Variants in ZNF248 observed in about 807,000 individuals in gnomAD.
The protein encoded by ZNF248 is KRAB protein domain.
In ZNF248, 20 loss-of-function variants were observed where a neutral mutation model predicts 44.3. The observed-to-expected ratio is 0.45, with a 90% CI of 0.32 to 0.66. The LOEUF is 0.66. ZNF248 is among the 30% of genes least tolerant of loss of function. The pLI, the probability that ZNF248 is intolerant of heterozygous loss-of-function variation, is 0.04. For synonymous variants in ZNF248, 224 were observed against 229.0 expected (o/e 0.98, Z 0.20); for missense variants, 654 against 677.0 (o/e 0.97, Z 0.38).
the ZNF248 span, among the ~76,000 whole-genome samples, chr10:37,768,603 C>G: frequency 6.6e-6 from 1 of 152,184 alleles, no homozygotes; most frequent in African/African-American, 2.4e-5. Context: ...ACCAGAAACT[C>G]TGGGACACAT....
intron 6 of ZNF248, among the ~76,000 whole-genome samples, chr10:37,778,926 C>A (rs1479577196): frequency 8.5e-5 from 13 of 152,210 alleles, no homozygotes; most frequent in African/African-American, 2.4e-4. Context: ...GAAATGGATA[C>A]ATTCCTCAAC....
At chr10:37,770,292 C>G in the ZNF248 span, among the ~76,000 whole-genome samples, 4 of 152,130 alleles carry the variant, frequency 2.6e-5, no homozygotes, top group Non-Finnish European at 5.9e-5. Context: ...TCATATGGAA[C>G]CAAAAAAGAG....
At position 37,832,745 on chromosome 10, in the gene ZNF248, C is replaced by T. The variant is rs1012088056; in HGVS notation, c.610G>A (p.Asp204Asn). The T allele has an allele frequency of 1.9e-6, 3 of 1,613,546 alleles. No individual in the cohort carries two copies. In the African/African-American group the frequency reaches 4.0e-5, roughly 22 times the overall value. The change falls in exon 6 of 6, where the codon GAT (aspartate) becomes AAT (asparagine). Residue 204 changes from aspartate (D) to asparagine (N), a missense_variant. Coordinates refer to ENST00000395867, the MANE Select transcript of ZNF248 (RefSeq NM_021045.3). Reference protein sequence around the residue: ...QKRNAINYHQDLSQPSFGQSF... With the variant: ...QKRNAINYHQNLSQPSFGQSF... Reference sequence around the variant, plus strand: ...TGGCCAAAACTTGGCTGACTGAGATCCTGGTGATAATTAATGGCATTCCTT... The same window carrying T: ...TGGCCAAAACTTGGCTGACTGAGATTCTGGTGATAATTAATGGCATTCCTT...
chr10:37,769,040 TCGACACATA>T, the ZNF248 span, among the ~76,000 whole-genome samples: 1 of 152,314 alleles, frequency 6.6e-6, no homozygotes, highest in East Asian at 1.9e-4. Flanking sequence ...GAAAAATTCC[TCGACACATA>T]CACTCTCCCA....
At chr10:37,839,701 G>A (rs2057979181) in intron 3 of ZNF248, among the ~76,000 whole-genome samples, 1 of 152,144 alleles carries the variant, frequency 6.6e-6, no homozygotes, top group Non-Finnish European at 1.5e-5. Context: ...GGAGTAAAAG[G>A]AGAACTTGGA....
At chr10:37,804,112 T>G (rs570635938) in intron 6 of ZNF248, among the ~76,000 whole-genome samples, 1,551 of 148,732 alleles carry the variant, frequency 0.01, 39 homozygotes, top group African/African-American at 0.036. Flanking sequence ...TTTTTTTTTT[T>G]TTTTTTTTGA....
chr10:37,830,714 A>G lies in ZNF248; in HGVS notation c.*901T>C. The G allele has an allele frequency of 3.6e-6, 2 of 562,322 alleles. No individual in the cohort carries two copies. Among genetic ancestry groups the G allele is most frequent in the Non-Finnish European group, 4.5e-6 (2 of 443,558 alleles). 34.8% of individuals were successfully genotyped at this position (562,322 alleles called of 1,614,324 possible). On this transcript the variant is annotated 3_prime_UTR_variant, in exon 6 of 6. Transcript: ENST00000395867. ...GGTGTAAACACTCCCACTAAGTCCA[A>G]GCTACCAAGACAGCACTGAATGTGG... is the stretch of plus-strand genomic sequence containing the variant.
At chr10:37,810,283 C>T (rs916545536) in intron 6 of ZNF248, among the ~76,000 whole-genome samples, 1 of 152,208 alleles carries the variant, frequency 6.6e-6, no homozygotes, top group Non-Finnish European at 1.5e-5. Context: ...AAGTTTCCAA[C>T]TATTATAGTA....
At chr10:37,772,265 G>GAA (rs36082673), downstream of ZNF248, among the ~76,000 whole-genome samples, 2,104 of 119,672 alleles carry the variant, frequency 0.018, 56 homozygotes, top group African/African-American at 0.058. Context: ...ACTGTCTCAA[G>GAA]AAAAAAAAAA....
intron 6 of ZNF248, chr10:37,791,775 C>A (rs1387781720): frequency 6.6e-6 from 1 of 152,198 alleles, no homozygotes; most frequent in South Asian, 2.1e-4. Context: ...CAGAAGCCAA[C>A]CTGAAAGAGC....
chr10:37,828,979 T>C lies in ZNF248; in HGVS notation c.*2636A>G, dbSNP rs2054892351. 2 of 985,344 alleles carry C rather than the reference T, an allele frequency of 2.0e-6. No homozygotes were observed. Among genetic ancestry groups the C allele is most frequent in the Non-Finnish European group, 1.2e-6 (1 of 829,944 alleles). 61.0% of individuals were successfully genotyped at this position (985,344 alleles called of 1,614,324 possible). A position where few individuals can be genotyped will look rare whatever the true frequency, so the allele number is the denominator to read the frequency against. ...ACAGAAACACTTAACTTGCAACTAG[T>C]AGAATAACTTTATTTCTAACACTGA... is the stretch of plus-strand genomic sequence containing the variant. On this transcript the variant is annotated 3_prime_UTR_variant, in exon 6 of 6. Coordinates refer to ENST00000395867, the MANE Select transcript of ZNF248 (RefSeq NM_021045.3).
chr10:37,759,089 C>G, the ZNF248 span, among the ~76,000 whole-genome samples: 1 of 152,210 alleles, frequency 6.6e-6, no homozygotes, highest in Non-Finnish European at 1.5e-5. Context: ...TTCTCACAGC[C>G]AACAAGGTTA....
chr10:37,837,817 A>T, intron 4 of ZNF248, 105 bp from the exon 5 acceptor site: 1 of 1,349,444 alleles, frequency 7.4e-7, no homozygotes, highest in Non-Finnish European at 1.0e-6. Flanking sequence ...TACTCAAAGA[A>T]TGTGCACAAA....
chr10:37,832,875 A>G lies in ZNF248; in HGVS notation c.480T>C (p.Cys160=). Reference sequence around the variant, plus strand: ...TAAACTCATCAGGCTTCTTTCTGGAACAGTTCTTTTTACTAATAATTAAGC... The same window carrying G: ...TAAACTCATCAGGCTTCTTTCTGGAGCAGTTCTTTTTACTAATAATTAAGC... ...ISGLIISKKN[C]SRKKPDEFNV... is the part of the protein sequence containing the mutation. Residue 160 remains cysteine, a synonymous_variant, in exon 6 of 6, where the codon TGT becomes TGC. Coordinates refer to ENST00000395867, the MANE Select transcript of ZNF248 (RefSeq NM_021045.3). The G allele has an allele frequency of 6.2e-7, 1 of 1,613,730 alleles. No individual in the cohort carries two copies. The highest frequency in any genetic ancestry group is 8.5e-7 in the Non-Finnish European group (1 of 1,179,808).
At chr10:37,764,577 C>G in the ZNF248 span, among the ~76,000 whole-genome samples, 1 of 152,152 alleles carries the variant, frequency 6.6e-6, no homozygotes, top group Non-Finnish European at 1.5e-5. Context: ...GGGGGCATCA[C>G]AGAAGCTGCC....
At chr10:37,767,072 A>C in the ZNF248 span, among the ~76,000 whole-genome samples, 1 of 152,136 alleles carries the variant, frequency 6.6e-6, no homozygotes, top group Non-Finnish European at 1.5e-5. Flanking sequence ...GAAGTTTAGA[A>C]AAAAAAGAAT....
At chr10:37,808,977 T>C (rs2051043005) in intron 6 of ZNF248, among the ~76,000 whole-genome samples, 1 of 152,184 alleles carries the variant, frequency 6.6e-6, no homozygotes, top group South Asian at 2.1e-4. Flanking sequence ...ATTGTGTTCC[T>C]AGATATTGAG....
At chr10:37,803,462 G>A (rs2050087021) in intron 6 of ZNF248, 1 of 152,300 alleles carries the variant, frequency 6.6e-6, no homozygotes, top group Non-Finnish European at 1.5e-5. Context: ...CCATCCACTG[G>A]ACAGTCTGCC....
At chr10:37,791,218 A>G (rs2133072864) in intron 6 of ZNF248, among the ~76,000 whole-genome samples, 1 of 150,916 alleles carries the variant, frequency 6.6e-6, no homozygotes, top group South Asian at 2.1e-4. Context: ...ATTTTTTTGT[A>G]TTTTTAGTAG....
Sources: gnomAD v4.1 joint callset for allele counts (sites outside exome capture counted in the v4.1 genomes callset) on GRCh38, gnomAD v4.1.1 for gene constraint, MANE v1.5 for transcripts, NCBI Gene and HGNC (gene_info 2026-07-23, HGNC 2026-07-21) for gene names.